Variants in P2RY8 observed in about 807,000 individuals in gnomAD.
P2RY8 encodes S-geranylgeranyl-glutathione receptor P2RY8.
A neutral mutation model predicts 10.0 loss-of-function variants in P2RY8; 6 were observed. The ratio of observed to expected loss-of-function variants is 0.60; its 90% CI spans 0.33 to 1.19. The LOEUF (loss-of-function observed/expected upper bound fraction) is 1.19. Among genes scored for constraint, P2RY8 ranks in the 50% most tolerant of loss-of-function variants. The pLI, the probability that P2RY8 is intolerant of heterozygous loss-of-function variation, is 0.04. For synonymous variants in P2RY8, 276 were observed against 252.5 expected, an observed-to-expected ratio of 1.09 and a Z score of -0.88; for missense variants, 456 against 542.0, an observed-to-expected ratio of 0.84 and a Z score of 1.58.
At chrX:1,497,781 A>G (rs1296920190) in intron 1 of P2RY8, among the ~76,000 whole-genome samples, 1 of 151,916 alleles carries the variant, frequency 6.6e-6, no homozygotes, top group East Asian at 1.9e-4. Context: ...CAGGCTGGTG[A>G]GAGATGGTTG....
At position 1,462,683 on chromosome X, in the gene P2RY8, A is replaced by G. The variant is rs2091599896; in HGVS notation, c.*2796T>C. ...GGTTGGCCCTTGAACACCCGGACTC[A>G]ATCAGTCCTCCCGCCTGAGCCTCCC... On this transcript the variant is annotated 3_prime_UTR_variant, in exon 2 of 2. Coordinates refer to ENST00000381297, the MANE Select transcript of P2RY8 (RefSeq NM_178129.5). 1 of 232,998 alleles carries G rather than the reference A, an allele frequency of 4.3e-6. No individual in the cohort carries two copies. 14.4% of individuals were successfully genotyped at this position (232,998 alleles called of 1,614,324 possible). A position where few individuals can be genotyped will look rare whatever the true frequency, so the allele number is the denominator to read the frequency against.
rs193052932 is a variant in P2RY8, at chrX:1,530,072, C to A, written c.-25+6849G>T. On this transcript the variant is annotated intron_variant, in intron 1 of 1. Transcript: ENST00000381297. Reference sequence around the variant, plus strand: ...TTAGTATAGAGAATCTCTCCTCTCTCTCTCTCTCTCCGTCATCCATCTATG... The same window carrying A: ...TTAGTATAGAGAATCTCTCCTCTCTATCTCTCTCTCCGTCATCCATCTATG... Among the ~76,000 whole-genome samples, 520 of 152,100 alleles carry A rather than the reference C, an allele frequency of 3.4e-3. 4 individuals are homozygous for A. Among genetic ancestry groups the A allele is most frequent in the African/African-American group, 0.012 (491 of 41,458 alleles).
chrX:1,537,056 T>C lies in P2RY8; in HGVS notation c.-160A>G, dbSNP rs761940862. ...CCAGCCACCAGCTTGCAAGCCGTGG[T>C]CACTCAAAGTGCTTGAGAAGGTGTT... On this transcript the variant is annotated 5_prime_UTR_variant, in exon 1 of 2. An upstream open reading frame in the 5' UTR loses its in-frame stop. Transcript: ENST00000381297. 1.3e-4 allele frequency: 30 copies of C among 232,596 alleles called. No individual in the cohort carries two copies. Among genetic ancestry groups the C allele is most frequent in the African/African-American group, 6.2e-4 (28 of 45,392 alleles). 14.4% of individuals were successfully genotyped at this position (232,596 alleles called of 1,614,324 possible). A position where few individuals can be genotyped will look rare whatever the true frequency, so the allele number is the denominator to read the frequency against.
chrX:1,473,532 GAT>G (rs1491301132), intron 1 of P2RY8, among the ~76,000 whole-genome samples: 41 of 147,558 alleles, frequency 2.8e-4, no homozygotes, highest in Admixed American at 4.0e-4. Context: ...TGGGTGGATG[GAT>G]GGGTGGGTGG....
intron 1 of P2RY8, among the ~76,000 whole-genome samples, chrX:1,489,199 G>A (rs775178201): frequency 6.6e-6 from 1 of 151,870 alleles, no homozygotes; most frequent in Admixed American, 6.6e-5. Context: ...ATTCACTTCG[G>A]CAAATGTAGA....
intron 1 of P2RY8, among the ~76,000 whole-genome samples, chrX:1,467,853 A>AT (rs1191986412): frequency 6.6e-6 from 1 of 151,046 alleles, no homozygotes; most frequent in South Asian, 2.1e-4. Flanking sequence ...TAATATTTTT[A>AT]TTTTTTGTAG....
intron 1 of P2RY8, among the ~76,000 whole-genome samples, chrX:1,486,133 G>A (rs1281012654): frequency 1.3e-5 from 2 of 152,174 alleles, no homozygotes; most frequent in Non-Finnish European, 1.5e-5. Context: ...CAGGAGAATC[G>A]CTTGAACCCG....
At chrX:1,482,379 A>T (rs1340295416) in intron 1 of P2RY8, among the ~76,000 whole-genome samples, 8 of 151,840 alleles carry the variant, frequency 5.3e-5, no homozygotes, top group Non-Finnish European at 1.2e-4. Context: ...ACGTATGCTG[A>T]AATTTAAGCA....
At chrX:1,490,027 C>A (rs28592637) in intron 1 of P2RY8, among the ~76,000 whole-genome samples, 4 of 7,082 alleles carry the variant, frequency 5.6e-4, no homozygotes, top group Non-Finnish European at 1.2e-3. Flanking sequence ...CCAGATATTC[C>A]CCACAAATGT....
At chrX:1,503,408 A>T (rs1265189465) in intron 1 of P2RY8, among the ~76,000 whole-genome samples, 5 of 152,202 alleles carry the variant, frequency 3.3e-5, no homozygotes, top group Admixed American at 3.3e-4. Flanking sequence ...TAATGTTACT[A>T]CTGAACAAGT....
At chrX:1,501,944 T>C (rs73184984) in intron 1 of P2RY8, among the ~76,000 whole-genome samples, 24,628 of 151,422 alleles carry the variant, frequency 0.16, 2,103 homozygotes, top group South Asian at 0.32. Flanking sequence ...GAAATCTCGC[T>C]CTGTCACCCA....
At chrX:1,467,544 G>C (rs2091705082) in intron 1 of P2RY8, among the ~76,000 whole-genome samples, 1 of 152,216 alleles carries the variant, frequency 6.6e-6, no homozygotes, top group Non-Finnish European at 1.5e-5. Flanking sequence ...TGTGGCCGTG[G>C]GGGACGTCTG....
Position 1,466,441 on chromosome X carries a change from C to T in P2RY8, c.118G>A (p.Gly40Ser). 6.2e-7 allele frequency: 1 copy of T among 1,612,712 alleles called. No homozygotes were observed. Among genetic ancestry groups the T allele is most frequent in the Non-Finnish European group, 8.5e-7 (1 of 1,179,802 alleles). ...YSLVAAVSIP[G>S]NLFSLWVLCR... ...AGCACCCACAGAGAGAAGAGGTTGC[C>T]CGGGATGCTGACCGCCGCCACCAGC... The change falls in exon 2 of 2, where the codon GGC becomes AGC. Residue 40 changes from glycine (G) to serine (S), a missense_variant. By Grantham distance (56) the Gly-to-Ser change is moderately conservative. Coordinates refer to ENST00000381297, the MANE Select transcript of P2RY8 (RefSeq NM_178129.5).
intron 1 of P2RY8, among the ~76,000 whole-genome samples, chrX:1,521,824 A>G (rs2092393721): frequency 6.6e-6 from 1 of 151,858 alleles, no homozygotes; most frequent in South Asian, 2.1e-4. Flanking sequence ...ACAACCTCCT[A>G]ATTCCTGTGC....
chrX:1,516,691 G>T (rs1569538471), intron 1 of P2RY8, among the ~76,000 whole-genome samples: 1 of 151,740 alleles, frequency 6.6e-6, no homozygotes, highest in Non-Finnish European at 1.5e-5. Context: ...AACGTTTGTT[G>T]TGTATAAGTC....
Position 1,466,662 on chromosome X carries a change from C to T in P2RY8, c.-24-80G>A, listed in dbSNP as rs1441209002. 1.0e-5 allele frequency: 14 copies of T among 1,381,092 alleles called. No individual in the cohort carries two copies. The African/African-American group carries it at 1.3e-4, about 13-fold the overall frequency. 85.6% of individuals were successfully genotyped at this position (1,381,092 alleles called of 1,614,324 possible). On this transcript the variant is annotated intron_variant, in intron 1 of 1. Coordinates refer to ENST00000381297, the MANE Select transcript of P2RY8 (RefSeq NM_178129.5). ...CTGCCGGGAGGGCTCCTGAGCGCCG[C>T]TCCCCGGGGACCAAGGCGGGGGAGA... is the stretch of plus-strand genomic sequence containing the variant.
At chrX:1,505,119 C>CAG (rs1244455914) in intron 1 of P2RY8, among the ~76,000 whole-genome samples, 5 of 122,498 alleles carry the variant, frequency 4.1e-5, no homozygotes, top group Non-Finnish European at 6.5e-5. Flanking sequence ...GCCTGGGTGA[C>CAG]AGAGAGAGAC....
intron 1 of P2RY8, among the ~76,000 whole-genome samples, chrX:1,509,819 A>ATCCATCCAT (rs1158093338): frequency 6.7e-6 from 1 of 148,822 alleles, no homozygotes; most frequent in African/African-American, 2.5e-5. Context: ...CTATCTATCT[A>ATCCATCCAT]TCTATCTATC....
intron 1 of P2RY8, among the ~76,000 whole-genome samples, chrX:1,476,033 T>A (rs1603455947): frequency 6.6e-6 from 1 of 152,152 alleles, no homozygotes; most frequent in Admixed American, 6.5e-5. Context: ...CTTCTTGACC[T>A]TTGACATGTG....
Sources: gnomAD v4.1 joint callset for allele counts (sites outside exome capture counted in the v4.1 genomes callset) on GRCh38, gnomAD v4.1.1 for gene constraint, MANE v1.5 for transcripts, NCBI Gene and HGNC (gene_info 2026-07-23, HGNC 2026-07-21) for gene names.